Variants in LHX9 observed in about 807,000 individuals in gnomAD.
LHX9 encodes the protein LIM/homeobox protein Lhx9.
A neutral mutation model predicts 36.5 loss-of-function variants in LHX9; 9 were observed. The ratio of observed to expected loss-of-function variants is 0.25; its 90% CI spans 0.15 to 0.43. LHX9 has a LOEUF of 0.43. Among genes scored for constraint, LHX9 ranks in the 20% least tolerant of loss-of-function variants. LHX9 has a pLI of 1.00. For synonymous variants in LHX9, 211 were observed against 212.1 expected (o/e 0.99, Z 0.04); for missense variants, 464 against 526.4 (o/e 0.88, Z 1.16).
chr1:197,920,079 A>T lies in LHX9; in HGVS notation c.282A>T (p.Arg94Ser). ...LLAVDKQWHL[R>S]CLKCCECKLA... ...CTGTGGACAAACAGTGGCATCTGAG[A>T]TGCCTGAAGTGCTGTGAATGTAAGC... Residue 94 changes from arginine to serine, a missense_variant, in exon 2 of 5, where the codon AGA becomes AGT. This residue lies in a region of LHX9 where 93 missense variants were observed against 150.3 expected (regional missense o/e 0.62). Coordinates refer to ENST00000367387, the MANE Select transcript of LHX9 (RefSeq NM_020204.3). 1.2e-6 allele frequency: 2 copies of T among 1,614,240 alleles called. No individual in the cohort carries two copies. Among genetic ancestry groups the T allele is most frequent in the Non-Finnish European group, 8.5e-7 (1 of 1,180,044 alleles).
chr1:197,925,697 A>G (rs955828883), intron 3 of LHX9, among the ~76,000 whole-genome samples: 28 of 152,248 alleles, frequency 1.8e-4, no homozygotes, highest in African/African-American at 6.0e-4. Flanking sequence ...GGGCCAAAAT[A>G]GGATAAAATG....
chr1:197,915,219 T>C (rs537295929), upstream of LHX9, among the ~76,000 whole-genome samples: 1 of 152,350 alleles, frequency 6.6e-6, no homozygotes, highest in African/African-American at 2.4e-5. Flanking sequence ...ACAAAGTAGG[T>C]TGAAGTCCTG....
At chr1:197,913,564 C>A (rs1187002369), upstream of LHX9, among the ~76,000 whole-genome samples, 1 of 152,164 alleles carries the variant, frequency 6.6e-6, no homozygotes, top group Non-Finnish European at 1.5e-5. Context: ...AAGGCCCCAG[C>A]GTGTCCCGGC....
intron 1 of LHX9, chr1:197,918,647 C>T: frequency 2.1e-6 from 1 of 485,702 alleles, no homozygotes; most frequent in South Asian, 3.4e-5. Context: ...AGGAGCGCGG[C>T]ACCCAGTCGA....
upstream of LHX9, among the ~76,000 whole-genome samples, chr1:197,913,506 A>AG (rs1488704818): frequency 6.6e-6 from 1 of 152,160 alleles, no homozygotes; most frequent in Non-Finnish European, 1.5e-5. Flanking sequence ...ACCTCAGTGT[A>AG]GGGGGAAATT....
At position 197,917,740 on chromosome 1, in the gene LHX9, G is replaced by T. The variant is rs1195138390; in HGVS notation, c.-84G>T. On this transcript the variant is annotated 5_prime_UTR_variant, in exon 1 of 5. Transcript: ENST00000367387. ...TCTCCCTCTTTCCCTCCATCCTCGA[G>T]CGTCTCTGCGCTCCTACAGGGCAGC... 1 of 1,599,464 alleles carries T rather than the reference G, an allele frequency of 6.3e-7. No homozygotes were observed. The highest frequency in any genetic ancestry group is 2.2e-5 in the East Asian group (1 of 44,774).
chr1:197,935,322 A>T lies in LHX9; in HGVS notation c.*6063A>T, dbSNP rs1660424275. 6.6e-6 allele frequency: 1 copy of T among 152,162 alleles called. No homozygotes were observed. The highest frequency in any genetic ancestry group is 2.4e-5 in the African/African-American group (1 of 41,434). 9.4% of individuals were successfully genotyped at this position (152,162 alleles called of 1,614,324 possible). ...CATATGTAGAAAGTTCCTGGTGTGC[A>T]TTTCTGTGTACTTTTCCCTCACATA... On this transcript the variant is annotated 3_prime_UTR_variant, in exon 5 of 5. Transcript: ENST00000367387.
chr1:197,918,408 G>A (rs1238901078), intron 1 of LHX9: 1 of 716,858 alleles, frequency 1.4e-6, no homozygotes, highest in Admixed American at 2.0e-5. Context: ...AGCCAAGCAG[G>A]AGCCCAGGTG....
upstream of LHX9, among the ~76,000 whole-genome samples, chr1:197,915,495 AC>A (rs1659719617): frequency 6.6e-6 from 1 of 152,202 alleles, no homozygotes; most frequent in Non-Finnish European, 1.5e-5. Flanking sequence ...TAATTACATT[AC>A]TTACAGTAAA....
In LHX9 at chr1:197,923,961, C is replaced by T. The variant is rs562316403; in HGVS notation, c.733+2302C>T. On this transcript the variant is annotated intron_variant, in intron 3 of 4. Transcript: ENST00000367387. ...TACAAACTGGATGCCTCTTAGTTAA[C>T]ATCTACTCCATCCTTTCTGGACTTT... Among the ~76,000 whole-genome samples, 3 of 152,244 alleles carry T rather than the reference C, an allele frequency of 2.0e-5. No individual in the cohort carries two copies. In the South Asian group the frequency reaches 6.2e-4, roughly 32 times the overall value.
At position 197,934,567 on chromosome 1, in the gene LHX9, C is replaced by A. The variant is rs1403912695; in HGVS notation, c.*5308C>A. On this transcript the variant is annotated 3_prime_UTR_variant, in exon 5 of 5. Coordinates refer to ENST00000367387, the MANE Select transcript of LHX9 (RefSeq NM_020204.3). Reference sequence around the variant, plus strand: ...CTTTTACATTTTGTAGTCTCTTCCACAACAGGGCAAAATAAGCACAGTAGG... The same window carrying A: ...CTTTTACATTTTGTAGTCTCTTCCAAAACAGGGCAAAATAAGCACAGTAGG... 1 of 152,150 alleles carries A rather than the reference C, an allele frequency of 6.6e-6. No individual in the cohort carries two copies. The highest frequency in any genetic ancestry group is 2.4e-5 in the African/African-American group (1 of 41,426). 9.4% of individuals were successfully genotyped at this position (152,150 alleles called of 1,614,324 possible). A position where few individuals can be genotyped will look rare whatever the true frequency, so the allele number is the denominator to read the frequency against.
At chr1:197,915,160 T>G (rs1184482292), upstream of LHX9, among the ~76,000 whole-genome samples, 1 of 152,232 alleles carries the variant, frequency 6.6e-6, no homozygotes, top group Non-Finnish European at 1.5e-5. Flanking sequence ...AAACCTAATT[T>G]CAAACACCCC....
In LHX9 at chr1:197,933,156, A is replaced by AAACT. The variant is rs1215070194; in HGVS notation, c.*3901_*3904dup. 1 of 152,118 alleles carries AAACT rather than the reference A, an allele frequency of 6.6e-6. No individual in the cohort carries two copies. The highest frequency in any genetic ancestry group is 2.4e-5 in the African/African-American group (1 of 41,456). 9.4% of individuals were successfully genotyped at this position (152,118 alleles called of 1,614,324 possible). On this transcript the variant is annotated 3_prime_UTR_variant, in exon 5 of 5. Coordinates refer to ENST00000367387, the MANE Select transcript of LHX9 (RefSeq NM_020204.3). ...CGTATATCCAAAGCATATGTTAAAC[A>AAACT]AACTAACATATACTTTCCAGAAAAT...
chr1:197,934,994 A>G lies in LHX9; in HGVS notation c.*5735A>G, dbSNP rs1660415822. 6.6e-6 allele frequency: 1 copy of G among 151,888 alleles called. No individual in the cohort carries two copies. Among genetic ancestry groups the G allele is most frequent in the Non-Finnish European group, 1.5e-5 (1 of 67,944 alleles). The allele number at this position is 151,888 out of a possible 1,614,324, so 9.4% of individuals were successfully genotyped here. A position where few individuals can be genotyped will look rare whatever the true frequency, so the allele number is the denominator to read the frequency against. On this transcript the variant is annotated 3_prime_UTR_variant, in exon 5 of 5. Transcript: ENST00000367387. ...CAGTTGGGGGGGTGGTGAGGTTGGG[A>G]GAGGGAAAGTTTAGAACTGTGCATG...
At chr1:197,919,867 C>A in intron 1 of LHX9, 105 bp from the exon 2 acceptor site, 6 of 1,143,566 alleles carry the variant, frequency 5.2e-6, no homozygotes, top group South Asian at 2.8e-5. Flanking sequence ...CTGGCCCCTG[C>A]CGCTCTCCCT....
chr1:197,918,192 G>A (rs147476301), intron 1 of LHX9, 195 bp downstream of exon 1: 42 of 708,792 alleles, frequency 5.9e-5, no homozygotes, highest in Non-Finnish European at 1.0e-4. Context: ...CGAAATGTCT[G>A]CAGCTGGCTA....
chr1:197,929,938 G>T lies in LHX9; in HGVS notation c.*679G>T, dbSNP rs1186203967. On this transcript the variant is annotated 3_prime_UTR_variant, in exon 5 of 5. Coordinates refer to ENST00000367387, the MANE Select transcript of LHX9 (RefSeq NM_020204.3). ...TACAACTCTAAAAACTTTTTACTTGGTTATTTGTTTTTCAACATTTGAAAA... is the reference window on the plus strand; with the variant it reads ...TACAACTCTAAAAACTTTTTACTTGTTTATTTGTTTTTCAACATTTGAAAA... The T allele has an allele frequency of 1.0e-6, 1 of 982,540 alleles. No homozygotes were observed. The highest frequency in any genetic ancestry group is 1.8e-5 in the African/African-American group (1 of 57,080). The allele number at this position is 982,540 out of a possible 1,614,324, so 60.9% of individuals were successfully genotyped here. A position where few individuals can be genotyped will look rare whatever the true frequency, so the allele number is the denominator to read the frequency against.
Position 197,921,588 on chromosome 1 carries a change from C to T in LHX9, c.662C>T (p.Thr221Ile). ...LALPYFNGTG[T>I]VQKGRPRKRK... ...CTGCCTTACTTCAACGGTACGGGCA[C>T]CGTGCAGAAAGGGCGGCCCCGGAAG... The change falls in exon 3 of 5, where the codon ACC becomes ATC. Residue 221 changes from threonine (T) to isoleucine (I), a missense_variant. Physicochemically the swap from Thr to Ile is moderately conservative, Grantham distance 89 (BLOSUM62 -1). Transcript: ENST00000367387. This position sits in a 1 kb window ranked among gnomAD's most constrained non-coding sequence, Gnocchi z 4.6. 5 of 1,611,064 alleles carry T rather than the reference C, an allele frequency of 3.1e-6. No homozygotes were observed. The highest frequency in any genetic ancestry group is 4.2e-6 in the Non-Finnish European group (5 of 1,179,718).
In LHX9 at chr1:197,923,836, G is replaced by C. The variant is rs540824325; in HGVS notation, c.733+2177G>C. ...GGTCTTTAGTTTGCAGATTAATGCT[G>C]CTACAAGTTGTTGTGGAGAAGGTCG... On this transcript the variant is annotated intron_variant, in intron 3 of 4. Transcript: ENST00000367387. Among the ~76,000 whole-genome samples the C allele has an allele frequency of 4.1e-4, 62 of 152,254 alleles. 1 individual carries two copies. The highest frequency in any genetic ancestry group is 6.8e-3 in the Middle Eastern group (2 of 294).
Sources: gnomAD v4.1 joint callset for allele counts (sites outside exome capture counted in the v4.1 genomes callset) on GRCh38, gnomAD v4.1.1 for gene constraint, gnomAD v4.1.1 regional missense constraint, Gnocchi (gnomAD v3.1) non-coding constraint, MANE v1.5 for transcripts, NCBI Gene and HGNC (gene_info 2026-07-23, HGNC 2026-07-21) for gene names.